FREM2: variants seen among roughly 807,000 people sequenced by gnomAD.
FREM2 encodes the protein FRAS1 related extracellular matrix 2.
A neutral mutation model predicts 219.9 loss-of-function variants in FREM2; 119 were observed. The ratio of observed to expected loss-of-function variants is 0.54; its 90% CI spans 0.47 to 0.63. The LOEUF is 0.63. FREM2 is among the 30% of genes least tolerant of loss of function. The pLI is 0.00. For synonymous variants in FREM2, 1,562 were observed against 1,522.8 expected (o/e 1.03, Z -0.60); for missense variants, 4,030 against 3,993.6 (o/e 1.01, Z -0.25).
At chr13:38,764,215 A>G (rs1873345947) in intron 2 of FREM2, 89 bp from the exon 3 acceptor site, 2 of 911,492 alleles carry the variant, frequency 2.2e-6, no homozygotes, top group Non-Finnish European at 1.8e-6. Context: ...TTGATTGTTA[A>G]TGTTGTTTCA....
chr13:38,734,358 CT>C (rs1173926322), intron 2 of FREM2, among the ~76,000 whole-genome samples: 7 of 152,104 alleles, frequency 4.6e-5, no homozygotes, highest in African/African-American at 1.7e-4. Flanking sequence ...CCAGAGGAGT[CT>C]TTAAGAAGAA....
intron 1 of FREM2, among the ~76,000 whole-genome samples, chr13:38,692,958 G>A (rs7336865): frequency 0.049 from 7,503 of 152,196 alleles, 604 homozygotes; most frequent in African/African-American, 0.17. Flanking sequence ...TTCCAAAAAA[G>A]CCTTCAAACT....
intron 6 of FREM2, among the ~76,000 whole-genome samples, chr13:38,832,033 G>A (rs1368021694): frequency 6.6e-6 from 1 of 152,098 alleles, no homozygotes; most frequent in Non-Finnish European, 1.5e-5. Context: ...AAAGTGAGTA[G>A]GCCAGGGACA....
chr13:38,716,690 T>A (rs1396991120), intron 2 of FREM2, among the ~76,000 whole-genome samples: 1 of 152,154 alleles, frequency 6.6e-6, no homozygotes, highest in East Asian at 1.9e-4. Flanking sequence ...GTATTTTTAG[T>A]AGAGACAGGG....
intron 3 of FREM2, among the ~76,000 whole-genome samples, chr13:38,767,452 A>G (rs1379352516): frequency 1.3e-5 from 2 of 152,238 alleles, no homozygotes; most frequent in Non-Finnish European, 2.9e-5. Context: ...GCAGACATTC[A>G]TTGTATCACA....
chr13:38,733,136 C>G (rs1411570771), intron 2 of FREM2, among the ~76,000 whole-genome samples: 1 of 152,072 alleles, frequency 6.6e-6, no homozygotes, highest in Non-Finnish European at 1.5e-5. Context: ...TTTTGCAGAT[C>G]TATACTAAAC....
intron 2 of FREM2, among the ~76,000 whole-genome samples, chr13:38,729,208 A>C (rs1056681287): frequency 6.6e-6 from 1 of 152,080 alleles, no homozygotes; most frequent in African/African-American, 2.4e-5. Flanking sequence ...AATAACACCA[A>C]TTAATGTCCC....
In FREM2 at chr13:38,885,883, T is replaced by A. The variant is rs952157002; in HGVS notation, c.*5096T>A. The A allele has an allele frequency of 1.3e-5, 2 of 152,210 alleles. No individual in the cohort carries two copies. Among genetic ancestry groups the A allele is most frequent in the Non-Finnish European group, 2.9e-5 (2 of 68,026 alleles). 9.4% of individuals were successfully genotyped at this position (152,210 alleles called of 1,614,324 possible). ...ATCACATGTATGTAGTTCTTTTGGA[T>A]GACCGAATACCTTAAAATGAACTAA... On this transcript the variant is annotated 3_prime_UTR_variant, in exon 24 of 24. Transcript: ENST00000280481.
At chr13:38,879,666 A>C (rs1020471863) in intron 23 of FREM2, among the ~76,000 whole-genome samples, 3 of 152,228 alleles carry the variant, frequency 2.0e-5, no homozygotes, top group African/African-American at 7.2e-5. Context: ...TTAAGAAAGC[A>C]TGTTTGTTAT....
At chr13:38,710,017 AC>A (rs1870705651) in intron 2 of FREM2, among the ~76,000 whole-genome samples, 2 of 151,088 alleles carry the variant, frequency 1.3e-5, no homozygotes, top group Non-Finnish European at 3.0e-5. Flanking sequence ...ACACACACAC[AC>A]ACACACACAC....
At position 38,864,453 on chromosome 13, in the gene FREM2, T is replaced by C; in HGVS notation, c.7830T>C (p.Tyr2610=). The change falls in exon 16 of 24, where the codon TAT becomes TAC. Residue 2610 remains tyrosine (Y), a synonymous_variant. Coordinates refer to ENST00000280481, the MANE Select transcript of FREM2 (RefSeq NM_207361.6). Reference sequence around the variant, plus strand: ...ATCCAGAAATAATTGGAGAGACATATCCTTACCAGTACAGCTTGTCCATCA... The same window carrying C: ...ATCCAGAAATAATTGGAGAGACATACCCTTACCAGTACAGCTTGTCCATCA... ...TKNPEIIGET[Y]PYQYSLSIRG... 1 of 1,614,180 alleles carries C rather than the reference T, an allele frequency of 6.2e-7. No homozygotes were observed. The highest frequency in any genetic ancestry group is 1.6e-4 in the Middle Eastern group (1 of 6,062).
intron 2 of FREM2, among the ~76,000 whole-genome samples, chr13:38,701,662 A>G (rs1870347547): frequency 6.6e-6 from 1 of 152,058 alleles, no homozygotes; most frequent in Admixed American, 6.6e-5. Flanking sequence ...GTGATGTGAA[A>G]GCTGGTCTCA....
At chr13:38,782,971 G>T (rs1271775794) in intron 4 of FREM2, 99 bp from the exon 5 acceptor site, 2 of 1,411,034 alleles carry the variant, frequency 1.4e-6, no homozygotes, top group Admixed American at 3.4e-5. Context: ...TATTCAAGGG[G>T]GAAAAATCAA....
At chr13:38,727,737 T>G (rs568559349) in intron 2 of FREM2, among the ~76,000 whole-genome samples, 52 of 152,370 alleles carry the variant, frequency 3.4e-4, no homozygotes, top group African/African-American at 7.0e-4. Flanking sequence ...CATCTCCTCA[T>G]GCATTGTATG....
rs1040688508 is a variant in FREM2 at position 38,881,263 on chromosome 13, A to G, written c.*476A>G. ...AAAACTGGTGAACACACTGTTTATT[A>G]TGACAAGTTTTCAAATAGGTGAAGA... is the stretch of plus-strand genomic sequence containing the variant. On this transcript the variant is annotated 3_prime_UTR_variant, in exon 24 of 24. Transcript: ENST00000280481. The G allele has an allele frequency of 4.9e-6, 1 of 205,566 alleles. No individual in the cohort carries two copies. The highest frequency in any genetic ancestry group is 8.4e-5 in the South Asian group (1 of 11,868). The allele number at this position is 205,566 out of a possible 1,614,324, so 12.7% of individuals were successfully genotyped here. A position where few individuals can be genotyped will look rare whatever the true frequency, so the allele number is the denominator to read the frequency against.
chr13:38,858,186 A>AAT (rs1165911735), intron 13 of FREM2, among the ~76,000 whole-genome samples, 153 bp downstream of exon 13: 1 of 152,222 alleles, frequency 6.6e-6, no homozygotes, highest in East Asian at 1.9e-4. Flanking sequence ...ACACTAATCA[A>AAT]ATAAAGCTCC....
chr13:38,859,636 A>G (rs1210323886), intron 14 of FREM2, 46 bp downstream of exon 14: 1 of 1,516,864 alleles, frequency 6.6e-7, no homozygotes. Flanking sequence ...AATACTGTGC[A>G]ATATTACAAA....
intron 6 of FREM2, among the ~76,000 whole-genome samples, chr13:38,821,068 A>G (rs2137876482): frequency 6.6e-6 from 1 of 152,276 alleles, no homozygotes; most frequent in East Asian, 1.9e-4. Context: ...TTATAAAACC[A>G]GAAGTAGTTG....
chr13:38,692,837 G>T (rs1312635303), intron 1 of FREM2, among the ~76,000 whole-genome samples: 1 of 152,164 alleles, frequency 6.6e-6, no homozygotes, highest in Admixed American at 6.5e-5. Flanking sequence ...CCTATCCAAC[G>T]CATCCTCTGT....
Sources: gnomAD v4.1 joint callset for allele counts (sites outside exome capture counted in the v4.1 genomes callset) on GRCh38, gnomAD v4.1.1 for gene constraint, MANE v1.5 for transcripts, NCBI Gene and HGNC (gene_info 2026-07-23, HGNC 2026-07-21) for gene names.